The following DIAPH3 variants were observed in gnomAD, a reference collection of about 807,000 sequenced individuals.
DIAPH3 encodes the protein protein diaphanous homolog 3.
DIAPH3 carries 117 observed loss-of-function variants against 144.3 expected under a neutral mutation model. That is an observed-to-expected ratio of 0.81 (90% CI 0.70 to 0.95). The LOEUF is 0.95. Ranked by LOEUF, DIAPH3 falls within the 40% of genes least tolerant of loss-of-function variation. DIAPH3 has a pLI of 0.00. For synonymous variants in DIAPH3, 519 were observed against 488.9 expected, an observed-to-expected ratio of 1.06 and a Z score of -0.81; for missense variants, 1,421 against 1,412.7, an observed-to-expected ratio of 1.01 and a Z score of -0.09.
intron 7 of DIAPH3, chr13:60,013,051 G>A: frequency 1.0e-6 from 1 of 985,400 alleles, no homozygotes; most frequent in African/African-American, 1.7e-5. Context: ...CAACTTACCA[G>A]TGCTCGGATT....
intron 1 of DIAPH3, among the ~76,000 whole-genome samples, chr13:60,139,377 A>C (rs1198994104): frequency 3.9e-5 from 6 of 152,190 alleles, no homozygotes; most frequent in African/African-American, 1.4e-4. Flanking sequence ...GCCTCTTTTA[A>C]TCTGCTCATT....
At chr13:59,678,452 G>A (rs2032761068) in intron 27 of DIAPH3, among the ~76,000 whole-genome samples, 1 of 152,038 alleles carries the variant, frequency 6.6e-6, no homozygotes, top group South Asian at 2.1e-4. Context: ...CTATTTACAG[G>A]TTTACAGACA....
intron 27 of DIAPH3, among the ~76,000 whole-genome samples, chr13:59,762,050 A>ATAT (rs1566273881): frequency 8.4e-6 from 1 of 118,990 alleles, no homozygotes; most frequent in East Asian, 2.7e-4. Flanking sequence ...AAGCGTCAGC[A>ATAT]TCTTTTTTTT....
At chr13:59,678,080 C>T (rs1329237647) in intron 27 of DIAPH3, among the ~76,000 whole-genome samples, 1 of 152,128 alleles carries the variant, frequency 6.6e-6, no homozygotes, top group Non-Finnish European at 1.5e-5. Flanking sequence ...AAATCTAATT[C>T]TCCTTCCTTT....
intron 4 of DIAPH3, among the ~76,000 whole-genome samples, chr13:60,055,972 A>G (rs868261575): frequency 6.6e-6 from 1 of 151,700 alleles, no homozygotes. Context: ...TTTTGGAAAT[A>G]TGTTAATGTT....
intron 27 of DIAPH3, among the ~76,000 whole-genome samples, chr13:59,698,836 C>T (rs1254879757): frequency 6.6e-6 from 1 of 152,120 alleles, no homozygotes; most frequent in Non-Finnish European, 1.5e-5. Context: ...CCAACTGCAG[C>T]TTACATGTGT....
chr13:59,766,597 AC>A (rs1401336000), intron 27 of DIAPH3, among the ~76,000 whole-genome samples: 1 of 152,138 alleles, frequency 6.6e-6, no homozygotes, highest in African/African-American at 2.4e-5. Context: ...TTCCCCGGGA[AC>A]CTAACCTAAG....
chr13:59,921,309 T>A (rs533789834), intron 18 of DIAPH3, among the ~76,000 whole-genome samples: 1 of 150,024 alleles, frequency 6.7e-6, no homozygotes, highest in Non-Finnish European at 1.5e-5. Context: ...AACCAAAAAT[T>A]TCATTTTTGG....
chr13:59,956,191 G>A (rs1399560608), intron 17 of DIAPH3, among the ~76,000 whole-genome samples: 4 of 152,210 alleles, frequency 2.6e-5, no homozygotes, highest in East Asian at 1.9e-4. Context: ...CATAAGTAAT[G>A]AGGAGCCAAA....
At chr13:60,042,860 TGGA>T in intron 4 of DIAPH3, 40 bp from the exon 5 acceptor site, 1 of 1,605,862 alleles carries the variant, frequency 6.2e-7, no homozygotes, top group Non-Finnish European at 8.5e-7. Context: ...TAATACTGCA[TGGA>T]GATTACCCAT....
In DIAPH3 at chr13:59,945,605, T is replaced by C. The variant is rs2048755905; in HGVS notation, c.2075-20735A>G. Among the ~76,000 whole-genome samples the C allele has an allele frequency of 3.3e-5, 5 of 149,752 alleles. No homozygotes were observed. In the South Asian group the frequency reaches 1.1e-3, roughly 32 times the overall value. ...GAGGGAATATGACTTGTATATCCAATTTCACTTGCTGACAGAAAAAAAAAA... is the reference window on the plus strand; with the variant it reads ...GAGGGAATATGACTTGTATATCCAACTTCACTTGCTGACAGAAAAAAAAAA... On this transcript the variant is annotated intron_variant, in intron 17 of 27. Transcript: ENST00000400324.
In DIAPH3 at chr13:60,010,560, G is replaced by A. The variant is rs760380418; in HGVS notation, c.881C>T (p.Ala294Val). The A allele has an allele frequency of 2.4e-5, 38 of 1,608,672 alleles. No individual in the cohort carries two copies. The highest frequency in any genetic ancestry group is 3.4e-5 in the Admixed American group (2 of 59,642). ...MMTDVVKLLS[A>V]VCIVGEESIL... ...GCTTTCTTCCCCTACAATGCATACC[G>A]CAGAGAGAAGTTTAACCACATCTGT... is the stretch of plus-strand genomic sequence containing the variant. The change falls in exon 8 of 28, where the codon GCG (alanine) becomes GTG (valine). Residue 294 changes from alanine (A) to valine (V), a missense_variant. Ala to Val is a moderately conservative substitution (Grantham distance 64). Coordinates refer to ENST00000400324, the MANE Select transcript of DIAPH3 (RefSeq NM_001042517.2).
intron 27 of DIAPH3, among the ~76,000 whole-genome samples, chr13:59,719,182 G>T (rs77778407): frequency 0.043 from 6,495 of 152,154 alleles, 232 homozygotes; most frequent in South Asian, 0.11. Context: ...TCCTTTGAAA[G>T]TAAGCCATAA....
At chr13:59,866,980 G>A (rs940072878) in intron 21 of DIAPH3, among the ~76,000 whole-genome samples, 1 of 151,012 alleles carries the variant, frequency 6.6e-6, no homozygotes, top group Non-Finnish European at 1.5e-5. Context: ...TGGTATGTAC[G>A]TGTGCTTGTG....
At chr13:59,742,461 G>A (rs1162998803) in intron 27 of DIAPH3, among the ~76,000 whole-genome samples, 1 of 152,066 alleles carries the variant, frequency 6.6e-6, no homozygotes, top group Non-Finnish European at 1.5e-5. Context: ...CTGGGTAACA[G>A]GGAGGACTTT....
At chr13:59,686,249 G>A (rs139832053) in intron 27 of DIAPH3, among the ~76,000 whole-genome samples, 29 of 152,124 alleles carry the variant, frequency 1.9e-4, no homozygotes, top group Admixed American at 6.6e-4. Context: ...AAAGGGAACC[G>A]GAAGAATTCT....
chr13:59,801,707 A>C (rs1057415629), intron 25 of DIAPH3, among the ~76,000 whole-genome samples: 14 of 152,192 alleles, frequency 9.2e-5, no homozygotes. Flanking sequence ...GGCTGCCCTC[A>C]TTGTTAACTC....
intron 27 of DIAPH3, among the ~76,000 whole-genome samples, chr13:59,738,364 G>T (rs2036270016): frequency 6.6e-6 from 1 of 152,112 alleles, no homozygotes; most frequent in African/African-American, 2.4e-5. Flanking sequence ...GATCAGGAGT[G>T]GCTGGCTGTA....
chr13:59,699,136 A>T (rs1200312657), intron 27 of DIAPH3, among the ~76,000 whole-genome samples: 1 of 152,230 alleles, frequency 6.6e-6, no homozygotes, highest in East Asian at 1.9e-4. Context: ...ACACACAGGT[A>T]AACACATATG....
Sources: allele counts gnomAD v4.1 joint callset (sites outside exome capture counted in the v4.1 genomes callset), GRCh38; gene constraint gnomAD v4.1.1; transcripts MANE v1.5; gene names NCBI Gene and HGNC (gene_info 2026-07-23, HGNC 2026-07-21).